The following KCNH1 variants were observed in gnomAD, a reference collection of about 807,000 sequenced individuals.
KCNH1 encodes the protein voltage-gated delayed rectifier potassium channel KCNH1.
In KCNH1, 27 loss-of-function variants were observed where a neutral mutation model predicts 69.2. The ratio of observed to expected loss-of-function variants is 0.39; its 90% CI spans 0.29 to 0.54. KCNH1 has a LOEUF of 0.54. Ranked by LOEUF, KCNH1 falls within the 20% of genes least tolerant of loss-of-function variation. The pLI is 0.68. For synonymous variants in KCNH1, 456 were observed against 487.7 expected, an observed-to-expected ratio of 0.93 and a Z score of 0.86; for missense variants, 798 against 1,261.6, an observed-to-expected ratio of 0.63 and a Z score of 5.57.
At chr1:211,087,649 AC>A (rs1558599159) in intron 4 of KCNH1, among the ~76,000 whole-genome samples, 4 of 151,520 alleles carry the variant, frequency 2.6e-5, no homozygotes, top group Admixed American at 2.6e-4. Flanking sequence ...GCACACACAC[AC>A]ACACACACAC....
intron 7 of KCNH1, among the ~76,000 whole-genome samples, chr1:210,889,850 C>G (rs1298718317): frequency 6.6e-6 from 1 of 152,026 alleles, no homozygotes; most frequent in Non-Finnish European, 1.5e-5. Flanking sequence ...TGTGAAGGAC[C>G]TCTTCAAGGA....
At chr1:210,998,083 G>T (rs533814438) in intron 6 of KCNH1, among the ~76,000 whole-genome samples, 1 of 152,164 alleles carries the variant, frequency 6.6e-6, no homozygotes, top group Non-Finnish European at 1.5e-5. Context: ...GACTGTCAAG[G>T]CTAGGAAGAA....
chr1:210,865,846 T>C (rs1368291372), intron 7 of KCNH1, among the ~76,000 whole-genome samples: 1 of 152,192 alleles, frequency 6.6e-6, no homozygotes, highest in African/African-American at 2.4e-5. Context: ...TGGCCTAGAT[T>C]GTGGGGCAAA....
chr1:210,962,064 G>A (rs550105693), intron 6 of KCNH1, among the ~76,000 whole-genome samples: 2 of 152,152 alleles, frequency 1.3e-5, no homozygotes, highest in South Asian at 4.1e-4. Context: ...AAGACTAAAG[G>A]GGGACCCTTT....
chr1:210,852,155 G>T (rs1685720196), intron 7 of KCNH1, among the ~76,000 whole-genome samples: 1 of 152,240 alleles, frequency 6.6e-6, no homozygotes, highest in South Asian at 2.1e-4. Flanking sequence ...TCTCTAAGGG[G>T]AGTATGTGTG....
At chr1:210,793,915 C>G (rs1012861844) in intron 9 of KCNH1, among the ~76,000 whole-genome samples, 1 of 152,158 alleles carries the variant, frequency 6.6e-6, no homozygotes, top group East Asian at 1.9e-4. Context: ...CACTGTCAGC[C>G]CCCTCCACTT....
intron 10 of KCNH1, among the ~76,000 whole-genome samples, chr1:210,746,561 CT>C (rs1683165166): frequency 7.9e-6 from 1 of 127,210 alleles, no homozygotes; most frequent in Admixed American, 8.2e-5. Flanking sequence ...TCTTTTCTTT[CT>C]TTCTTTCTTT....
chr1:210,927,991 C>T lies in KCNH1; in HGVS notation c.1033-7922G>A, dbSNP rs566357536. 2.0e-5 allele frequency among the ~76,000 whole-genome samples: 3 copies of T among 152,176 alleles called. No individual in the cohort carries two copies. The South Asian group carries it at 6.2e-4, about 32-fold the overall frequency. On this transcript the variant is annotated intron_variant, in intron 6 of 10. Coordinates refer to ENST00000271751, the MANE Select transcript of KCNH1 (RefSeq NM_172362.3). Reference sequence around the variant, plus strand: ...GGGGCACCACATAATGATAAAAGGCCTTGTCCAACAGGAAAATATGACAAT... The same window carrying T: ...GGGGCACCACATAATGATAAAAGGCTTTGTCCAACAGGAAAATATGACAAT...
In KCNH1 at chr1:210,683,349, G is replaced by C; in HGVS notation, c.2902C>G (p.Gln968Glu). The C allele has an allele frequency of 2.5e-6, 4 of 1,614,046 alleles. No homozygotes were observed. Among genetic ancestry groups the C allele is most frequent in the Non-Finnish European group, 2.5e-6 (3 of 1,179,984 alleles). ...LTSRRSSQSP[Q>E]ELFEISRPQS... ...GGCCTCGATATTTCAAACAACTCCT[G>C]AGGAGACTGAGAGGATCTTCTGGAA... Residue 968 changes from glutamine (Q) to glutamate (E), a missense_variant, in exon 11 of 11, where the codon CAG (glutamine) becomes GAG (glutamate). Transcript: ENST00000271751. The surrounding 1 kb of genome is among the most constrained non-coding windows in gnomAD (Gnocchi z 5.7).
At chr1:210,944,258 G>A (rs1284102400) in intron 6 of KCNH1, among the ~76,000 whole-genome samples, 1 of 152,198 alleles carries the variant, frequency 6.6e-6, no homozygotes, top group Admixed American at 6.5e-5. Context: ...TGGCAGTAGT[G>A]GCATTAGTTA....
chr1:210,813,359 A>T (rs529824859), intron 7 of KCNH1, among the ~76,000 whole-genome samples: 1 of 152,330 alleles, frequency 6.6e-6, no homozygotes, highest in Admixed American at 6.5e-5. Context: ...ATAAACACTA[A>T]GAACTTTGAT....
At chr1:210,817,634 A>C (rs1346239060) in intron 7 of KCNH1, among the ~76,000 whole-genome samples, 1 of 152,174 alleles carries the variant, frequency 6.6e-6, no homozygotes, top group Non-Finnish European at 1.5e-5. Flanking sequence ...TGTGTGCTAG[A>C]TACTGTCCTA....
Position 210,999,229 on chromosome 1 carries a change from G to T in KCNH1, c.1032+19554C>A, listed in dbSNP as rs529462829. ...AAAAAATCAATGAATCCAGGGGCTG[G>T]TTTTTTGAAAAGATCAACAAAATTG... On this transcript the variant is annotated intron_variant, in intron 6 of 10. Coordinates refer to ENST00000271751, the MANE Select transcript of KCNH1 (RefSeq NM_172362.3). Among the ~76,000 whole-genome samples the T allele has an allele frequency of 6.3e-3, 958 of 152,224 alleles. 2 individuals carry two copies. Among genetic ancestry groups the T allele is most frequent in the Non-Finnish European group, 0.011 (770 of 68,024 alleles).
chr1:211,113,913 G>A (rs11590375), intron 1 of KCNH1, among the ~76,000 whole-genome samples: 35,337 of 151,220 alleles, frequency 0.23, 4,827 homozygotes, highest in African/African-American at 0.37. Context: ...CTGGAGGCCA[G>A]TAATAGCCTA....
chr1:211,087,197 C>G (rs1268224556), intron 4 of KCNH1, among the ~76,000 whole-genome samples: 2 of 152,226 alleles, frequency 1.3e-5, no homozygotes, highest in African/African-American at 4.8e-5. Flanking sequence ...TTCTACATCT[C>G]TGGCTCTTAG....
intron 5 of KCNH1, among the ~76,000 whole-genome samples, chr1:211,020,491 TA>T (rs34530499): frequency 0.36 from 53,438 of 149,768 alleles, 9,818 homozygotes; most frequent in Non-Finnish European, 0.38. Flanking sequence ...GAATCAGTAA[TA>T]AAAAAAAAAA....
At chr1:210,836,778 A>G (rs1311154933) in intron 7 of KCNH1, among the ~76,000 whole-genome samples, 1 of 152,218 alleles carries the variant, frequency 6.6e-6, no homozygotes, top group African/African-American at 2.4e-5. Context: ...AATGTTCAGC[A>G]GTGGCATGGA....
intron 10 of KCNH1, among the ~76,000 whole-genome samples, chr1:210,699,412 G>A (rs1291712780): frequency 2.6e-5 from 4 of 152,214 alleles, no homozygotes; most frequent in African/African-American, 9.6e-5. Context: ...TACCTTTGTA[G>A]CATGAGTACA....
At chr1:210,925,030 T>A (rs1410672093) in intron 6 of KCNH1, among the ~76,000 whole-genome samples, 1 of 151,876 alleles carries the variant, frequency 6.6e-6, no homozygotes, top group Non-Finnish European at 1.5e-5. Flanking sequence ...AGCCACTCCA[T>A]AAAACTGAAA....
Sources: gnomAD v4.1 joint callset for allele counts (sites outside exome capture counted in the v4.1 genomes callset) on GRCh38, gnomAD v4.1.1 for gene constraint, Gnocchi (gnomAD v3.1) non-coding constraint, MANE v1.5 for transcripts, NCBI Gene and HGNC (gene_info 2026-07-23, HGNC 2026-07-21) for gene names.